CSMD1: variants seen among roughly 807,000 people sequenced by gnomAD.
The protein encoded by CSMD1 is CUB and Sushi multiple domains 1.
CSMD1 carries 213 observed loss-of-function variants against 417.5 expected under a neutral mutation model. That is an observed-to-expected ratio of 0.51 (90% CI 0.46 to 0.57). CSMD1 has a LOEUF of 0.57. Among genes scored for constraint, CSMD1 ranks in the 20% least tolerant of loss-of-function variants. The pLI is 0.00. For missense variants in CSMD1, 6,923 were observed against 4,529.7 expected (o/e 1.53, Z -15.17); for synonymous variants, 2,862 against 1,736.8 (o/e 1.65, Z -16.11).
chr8:3,694,496 A>T (rs2624060), intron 7 of CSMD1, among the ~76,000 whole-genome samples: 3 of 152,094 alleles, frequency 2.0e-5, no homozygotes, highest in African/African-American at 7.2e-5. Flanking sequence ...CTGGGAAAGC[A>T]TGTGCATAGA....
chr8:3,087,041 T>C (rs981373473), intron 49 of CSMD1, 56 bp downstream of exon 49: 3 of 1,438,538 alleles, frequency 2.1e-6, no homozygotes, highest in Non-Finnish European at 2.9e-6. Flanking sequence ...CAGAGAGTGA[T>C]TAAAATGAGA....
chr8:3,919,327 C>A (rs556730014), intron 5 of CSMD1, among the ~76,000 whole-genome samples: 113 of 151,934 alleles, frequency 7.4e-4, no homozygotes, highest in African/African-American at 2.6e-3. Flanking sequence ...TGGTCTAACA[C>A]GTGGGCCAGT....
At chr8:3,404,186 T>G (rs774422077) in intron 15 of CSMD1, among the ~76,000 whole-genome samples, 4 of 151,966 alleles carry the variant, frequency 2.6e-5, no homozygotes, top group Non-Finnish European at 5.9e-5. Context: ...ATACAAAAAT[T>G]AGCCAGGCGT....
intron 5 of CSMD1, among the ~76,000 whole-genome samples, chr8:3,976,386 T>C (rs891002311): frequency 1.3e-5 from 2 of 152,242 alleles, no homozygotes; most frequent in African/African-American, 4.8e-5. Flanking sequence ...CTGAACTTTC[T>C]TCAAGTTGCT....
At chr8:3,637,913 CTT>C (rs1320977070) in intron 7 of CSMD1, among the ~76,000 whole-genome samples, 1 of 152,232 alleles carries the variant, frequency 6.6e-6, no homozygotes, top group Non-Finnish European at 1.5e-5. Context: ...CCCACACTCT[CTT>C]GATTGCCGCC....
At chr8:3,271,123 C>T (rs911707208) in intron 26 of CSMD1, among the ~76,000 whole-genome samples, 2 of 142,048 alleles carry the variant, frequency 1.4e-5, no homozygotes, top group Non-Finnish European at 3.0e-5. Flanking sequence ...GTTCCCCTTC[C>T]TGTGTTCACG....
At chr8:4,735,365 C>A (rs1368842179) in intron 1 of CSMD1, among the ~76,000 whole-genome samples, 1 of 152,146 alleles carries the variant, frequency 6.6e-6, no homozygotes, top group African/African-American at 2.4e-5. Flanking sequence ...TGTTGCCAAG[C>A]CCATTGTCTT....
chr8:3,293,714 A>G (rs1256526739), intron 25 of CSMD1, among the ~76,000 whole-genome samples: 2 of 151,906 alleles, frequency 1.3e-5, no homozygotes, highest in Non-Finnish European at 2.9e-5. Context: ...TGGTTATTCT[A>G]GTTAGCCATT....
chr8:3,000,831 G>A (rs78157595), intron 52 of CSMD1, among the ~76,000 whole-genome samples: 17,541 of 152,228 alleles, frequency 0.12, 1,286 homozygotes, highest in Non-Finnish European at 0.17. Flanking sequence ...GAAGGAGCGC[G>A]AGATCGCGAC....
At chr8:3,785,841 G>C (rs148642162) in intron 5 of CSMD1, among the ~76,000 whole-genome samples, 1 of 152,166 alleles carries the variant, frequency 6.6e-6, no homozygotes, top group African/African-American at 2.4e-5. Context: ...ATTCCTGAGG[G>C]CTTTGGGAAG....
At chr8:4,061,476 GC>G (rs1268859225) in intron 3 of CSMD1, among the ~76,000 whole-genome samples, 1 of 152,182 alleles carries the variant, frequency 6.6e-6, no homozygotes, top group Non-Finnish European at 1.5e-5. Flanking sequence ...CAAAGAGGTG[GC>G]AAAAGGAGTT....
chr8:4,135,387 G>A (rs1281091107), intron 3 of CSMD1, among the ~76,000 whole-genome samples: 1 of 117,846 alleles, frequency 8.5e-6, no homozygotes, highest in East Asian at 2.7e-4. Context: ...GGAAAGAGGG[G>A]GAAGGAAGGG....
chr8:4,347,187 C>G (rs345147), intron 3 of CSMD1, among the ~76,000 whole-genome samples: 1 of 152,032 alleles, frequency 6.6e-6, no homozygotes, highest in African/African-American at 2.4e-5. Context: ...AGCTTTACTC[C>G]TAACTTATTA....
At chr8:4,584,672 T>C (rs1166467726) in intron 2 of CSMD1, among the ~76,000 whole-genome samples, 2 of 152,054 alleles carry the variant, frequency 1.3e-5, no homozygotes, top group African/African-American at 4.8e-5. Context: ...ACCGGAACTC[T>C]CAAAAGCATG....
intron 1 of CSMD1, among the ~76,000 whole-genome samples, chr8:4,985,422 TTACAGTTA>T (rs1811127678): frequency 6.6e-6 from 1 of 152,214 alleles, no homozygotes; most frequent in African/African-American, 2.4e-5. Flanking sequence ...GGCCCATGCG[TTACAGTTA>T]TACTGAACTG....
intron 2 of CSMD1, among the ~76,000 whole-genome samples, chr8:4,635,494 A>G (rs181299158): frequency 6.6e-6 from 1 of 152,302 alleles, no homozygotes; most frequent in African/African-American, 2.4e-5. Flanking sequence ...TGAAAGAACT[A>G]GAGTAAATAA....
At chr8:4,831,259 G>T (rs1028215858) in intron 1 of CSMD1, among the ~76,000 whole-genome samples, 1 of 152,146 alleles carries the variant, frequency 6.6e-6, no homozygotes, top group East Asian at 1.9e-4. Context: ...CATATTGTAG[G>T]TTTGACTGGG....
At chr8:4,326,464 C>G (rs1016241440) in intron 3 of CSMD1, among the ~76,000 whole-genome samples, 7 of 152,038 alleles carry the variant, frequency 4.6e-5, no homozygotes, top group Non-Finnish European at 8.8e-5. Context: ...TGCATATATG[C>G]TTGACATAAG....
Position 3,003,540 on chromosome 8 carries a change from C to T in CSMD1, c.8030-3409G>A, listed in dbSNP as rs184911587. Among the ~76,000 whole-genome samples, 237 of 152,310 alleles carry T rather than the reference C, an allele frequency of 1.6e-3. 1 individual carries two copies. Among genetic ancestry groups the T allele is most frequent in the South Asian group, 0.011 (52 of 4,822 alleles). ...GCAGTCATGTCCTTTACATTGTCTCCTATGTCACCTTCATGTATTTGACAA... is the reference window on the plus strand; with the variant it reads ...GCAGTCATGTCCTTTACATTGTCTCTTATGTCACCTTCATGTATTTGACAA... On this transcript the variant is annotated intron_variant, in intron 52 of 69. Coordinates refer to ENST00000635120, the MANE Select transcript of CSMD1 (RefSeq NM_033225.6).
Sources: allele counts gnomAD v4.1 joint callset (sites outside exome capture counted in the v4.1 genomes callset), GRCh38; gene constraint gnomAD v4.1.1; transcripts MANE v1.5; gene names NCBI Gene and HGNC (gene_info 2026-07-23, HGNC 2026-07-21).